COL5A1: variants seen among roughly 807,000 people sequenced by gnomAD.
COL5A1 encodes collagen type V alpha 1 chain.
Under a neutral mutation model 263.7 loss-of-function variants are expected in COL5A1, and 16 were observed. The ratio of observed to expected loss-of-function variants is 0.06; its 90% CI spans 0.04 to 0.09. COL5A1 has a LOEUF of 0.09. Among genes scored for constraint, COL5A1 ranks in the 10% least tolerant of loss-of-function variants. The pLI is 1.00. For missense variants in COL5A1, 2,036 were observed against 2,540.5 expected (o/e 0.80, Z 4.27); for synonymous variants, 1,012 against 1,004.5 (o/e 1.01, Z -0.14).
At chr9:134,662,290 C>T (rs970526902) in intron 1 of COL5A1, among the ~76,000 whole-genome samples, 20 of 152,206 alleles carry the variant, frequency 1.3e-4, no homozygotes, top group Admixed American at 7.9e-4. Flanking sequence ...ACTTCCAGGC[C>T]GCTCAGGGCA....
intron 2 of COL5A1, chr9:134,691,828 G>A (rs1312573340): frequency 2.0e-5 from 3 of 152,460 alleles, no homozygotes. Flanking sequence ...ATGTAGGGCA[G>A]GTGAGTTCAC....
intron 1 of COL5A1, among the ~76,000 whole-genome samples, chr9:134,662,266 C>T (rs1832232744): frequency 6.6e-6 from 1 of 152,340 alleles, no homozygotes; most frequent in Middle Eastern, 3.4e-3. Flanking sequence ...TAACTGCCCC[C>T]AGGCAGGGCC....
Position 134,811,433 on chromosome 9 carries a change from C to T in COL5A1, c.3582+41C>T, listed in dbSNP as rs568599193. On this transcript the variant is annotated intron_variant, in intron 45 of 65. Transcript: ENST00000371817. ...CAATGACCTTCGAAAAGCCCCACGC[C>T]CCCCCAGAGCTGCTGGCATTGCCAG... 4.3e-5 allele frequency: 69 copies of T among 1,613,178 alleles called. 3 individuals carry two copies. The South Asian group carries it at 7.4e-4, about 17-fold the overall frequency.
chr9:134,779,705 A>G (rs961556738), intron 27 of COL5A1, among the ~76,000 whole-genome samples: 3 of 152,140 alleles, frequency 2.0e-5, no homozygotes, highest in African/African-American at 7.2e-5. Flanking sequence ...GGACCTAATC[A>G]AGTCTGCCTT....
chr9:134,764,969 C>T (rs1836602551), intron 20 of COL5A1, among the ~76,000 whole-genome samples: 1 of 152,174 alleles, frequency 6.6e-6, no homozygotes, highest in Admixed American at 6.5e-5. Context: ...TTGAAGTCCA[C>T]GTACCTGGGG....
chr9:134,722,634 A>G (rs908116577), intron 4 of COL5A1, among the ~76,000 whole-genome samples: 2 of 152,216 alleles, frequency 1.3e-5, no homozygotes, highest in African/African-American at 4.8e-5. Context: ...TTTGGAGAAC[A>G]TATATTCAGA....
chr9:134,694,666 G>A (rs928291476), intron 2 of COL5A1, among the ~76,000 whole-genome samples: 2 of 152,198 alleles, frequency 1.3e-5, no homozygotes, highest in Non-Finnish European at 2.9e-5. Context: ...CCTGAGCCAC[G>A]GTTGCTGACC....
chr9:134,775,547 C>T (rs1372909996), intron 27 of COL5A1, among the ~76,000 whole-genome samples: 1 of 152,222 alleles, frequency 6.6e-6, no homozygotes, highest in Non-Finnish European at 1.5e-5. Flanking sequence ...TGTCACAGCC[C>T]AGCTAACTGT....
At chr9:134,756,256 G>A (rs556157383) in intron 16 of COL5A1, among the ~76,000 whole-genome samples, 2 of 152,320 alleles carry the variant, frequency 1.3e-5, no homozygotes, top group South Asian at 4.2e-4. Flanking sequence ...GTCGCTGTGT[G>A]GTCTGAGTGA....
Position 134,682,133 on chromosome 9 carries a change from T to C in COL5A1, c.110-8779T>C, listed in dbSNP as rs954004756. ...GACCGTGGTGCTGAGTGTTTGGCGG[T>C]GACCTCTGGAGGACGGGCCGGGGAG... On this transcript the variant is annotated intron_variant, in intron 1 of 65. Transcript: ENST00000371817. This position sits in a 1 kb window ranked among gnomAD's most constrained non-coding sequence, Gnocchi z 5.1. Among the ~76,000 whole-genome samples the C allele has an allele frequency of 6.6e-6, 1 of 152,172 alleles. No homozygotes were observed. Among genetic ancestry groups the C allele is most frequent in the African/African-American group, 2.4e-5 (1 of 41,452 alleles).
At chr9:134,745,411 TAG>T (rs1387615161) in intron 11 of COL5A1, among the ~76,000 whole-genome samples, 4 of 152,114 alleles carry the variant, frequency 2.6e-5, no homozygotes, top group Non-Finnish European at 5.9e-5. Flanking sequence ...CACGGTCAGT[TAG>T]TGGCAATGGC....
At chr9:134,695,036 C>T (rs879707911) in intron 2 of COL5A1, among the ~76,000 whole-genome samples, 2 of 152,178 alleles carry the variant, frequency 1.3e-5, no homozygotes, top group Non-Finnish European at 2.9e-5. Flanking sequence ...CAGTGTCCCC[C>T]CTGGTCACCT....
At chr9:134,774,139 T>C (rs1036535413) in intron 26 of COL5A1, among the ~76,000 whole-genome samples, 1 of 152,252 alleles carries the variant, frequency 6.6e-6, no homozygotes, top group Non-Finnish European at 1.5e-5. Context: ...ACTTACTCCC[T>C]GGGACTTCCT....
chr9:134,783,983 C>T (rs897525523), intron 29 of COL5A1, among the ~76,000 whole-genome samples: 9 of 152,222 alleles, frequency 5.9e-5, no homozygotes, highest in East Asian at 1.9e-4. Flanking sequence ...CACACGTTCC[C>T]GTGCCAGGGC....
rs1274412604 is a variant in COL5A1 at position 134,700,052 on chromosome 9, G to A, written c.421G>A (p.Glu141Lys). The A allele has an allele frequency of 3.1e-6, 5 of 1,613,242 alleles. No individual in the cohort carries two copies. The highest frequency in any genetic ancestry group is 1.1e-5 in the South Asian group (1 of 91,086). ...GGGCCGCTCTCCCGTCTTCCTCTAC[G>A]AGGACCACACGGGGAAGCCTGGCCC... ...ELGRSPVFLY[E>K]DHTGKPGPED... The change falls in exon 3 of 66, where the codon GAG becomes AAG. Residue 141 changes from glutamate to lysine, a missense_variant. Physicochemically the swap from Glu to Lys is moderately conservative, Grantham distance 56 (BLOSUM62 1). Around this residue, in one of 3 missense-constraint regions of COL5A1, gnomAD observed 600 missense variants for 634.5 expected, o/e 0.95. Transcript: ENST00000371817. This position sits in a 1 kb window ranked among gnomAD's most constrained non-coding sequence, Gnocchi z 4.0.
intron 1 of COL5A1, among the ~76,000 whole-genome samples, chr9:134,655,115 G>A (rs1341425229): frequency 2.7e-5 from 4 of 146,160 alleles, no homozygotes; most frequent in Non-Finnish European, 6.1e-5. Flanking sequence ...AGGGCTGGGG[G>A]TGTGTAGGGC....
chr9:134,714,376 CATG>C (rs758460315), intron 4 of COL5A1, among the ~76,000 whole-genome samples: 20 of 146,610 alleles, frequency 1.4e-4, no homozygotes, highest in Non-Finnish European at 2.7e-4. Context: ...TGGTAATGGT[CATG>C]ATGGTAGTGA....
Position 134,696,363 on chromosome 9 carries a change from G to C in COL5A1, c.278-3546G>C, listed in dbSNP as rs1320786369. 2.0e-5 allele frequency among the ~76,000 whole-genome samples: 3 copies of C among 152,068 alleles called. No homozygotes were observed. The highest frequency in any genetic ancestry group is 7.2e-5 in the African/African-American group (3 of 41,408). ...TAATTTTTTTTATATTTTTGGCAGA[G>C]ACAGGGATTCACCATGTTGGCCAGG... On this transcript the variant is annotated intron_variant, in intron 2 of 65. Coordinates refer to ENST00000371817, the MANE Select transcript of COL5A1 (RefSeq NM_000093.5). This position sits in a 1 kb window ranked among gnomAD's most constrained non-coding sequence, Gnocchi z 4.3.
chr9:134,804,964 T>C lies in COL5A1; in HGVS notation c.3115-11T>C. 1 of 1,612,004 alleles carries C rather than the reference T, an allele frequency of 6.2e-7. No homozygotes were observed. Among genetic ancestry groups the C allele is most frequent in the Non-Finnish European group, 8.5e-7 (1 of 1,178,476 alleles). ...GGCTCCAGGAAAGCTCATCTCTGAC[T>C]CTGTTTTCAGGGTGACCCAGGCCCT... On this transcript the variant is annotated splice_polypyrimidine_tract_variant and intron_variant, in intron 39 of 65. Coordinates refer to ENST00000371817, the MANE Select transcript of COL5A1 (RefSeq NM_000093.5).
Sources: allele counts gnomAD v4.1 joint callset (sites outside exome capture counted in the v4.1 genomes callset), GRCh38; gene constraint gnomAD v4.1.1; regional missense constraint gnomAD v4.1.1; non-coding constraint Gnocchi (gnomAD v3.1); transcripts MANE v1.5; gene names NCBI Gene and HGNC (gene_info 2026-07-23, HGNC 2026-07-21).